The following GMDS variants were observed in gnomAD, a reference collection of about 807,000 sequenced individuals.
GMDS encodes the protein GDP-mannose 4,6-dehydratase.
A neutral mutation model predicts 49.9 loss-of-function variants in GMDS; 20 were observed. That is an observed-to-expected ratio of 0.40 (90% CI 0.28 to 0.58). The LOEUF is 0.58. Ranked by LOEUF, GMDS falls within the 20% of genes least tolerant of loss-of-function variation. The pLI, the probability that GMDS is intolerant of heterozygous loss-of-function variation, is 0.42. For synonymous variants in GMDS, 177 were observed against 178.6 expected, an observed-to-expected ratio of 0.99 and a Z score of 0.07; for missense variants, 362 against 481.4, an observed-to-expected ratio of 0.75 and a Z score of 2.32.
chr6:1,773,631 A>G (rs3800053), intron 7 of GMDS, among the ~76,000 whole-genome samples: 72,781 of 152,074 alleles, frequency 0.48, 19,493 homozygotes, highest in African/African-American at 0.72. Flanking sequence ...GCTGAGCAGC[A>G]TCGATGGCTG....
intron 7 of GMDS, among the ~76,000 whole-genome samples, chr6:1,820,232 G>A (rs527646208): frequency 6.6e-6 from 1 of 152,168 alleles, no homozygotes; most frequent in East Asian, 1.9e-4. Flanking sequence ...GAAAGAAGAG[G>A]CATGAATTTT....
chr6:2,125,003 G>A (rs1775341340), intron 1 of GMDS, among the ~76,000 whole-genome samples: 1 of 152,230 alleles, frequency 6.6e-6, no homozygotes, highest in Non-Finnish European at 1.5e-5. Flanking sequence ...CAGACAGCAT[G>A]AAGTTCCAGA....
At chr6:2,092,180 G>C (rs1383713097) in intron 4 of GMDS, among the ~76,000 whole-genome samples, 1 of 152,172 alleles carries the variant, frequency 6.6e-6, no homozygotes, top group Non-Finnish European at 1.5e-5. Context: ...GCTACGACCG[G>C]TTAGTAGTAG....
At chr6:1,664,527 T>C (rs917925325) in intron 9 of GMDS, among the ~76,000 whole-genome samples, 10 of 152,198 alleles carry the variant, frequency 6.6e-5, no homozygotes, top group African/African-American at 2.4e-4. Flanking sequence ...GAGTCCCCGA[T>C]TCATGGTGTC....
chr6:1,977,398 C>G (rs1336957028), intron 4 of GMDS, among the ~76,000 whole-genome samples: 1 of 152,144 alleles, frequency 6.6e-6, no homozygotes. Context: ...AAGTATCTAG[C>G]AAACATAAAT....
chr6:1,650,265 C>T (rs1157136876), intron 9 of GMDS, among the ~76,000 whole-genome samples: 2 of 152,064 alleles, frequency 1.3e-5, no homozygotes, highest in Non-Finnish European at 2.9e-5. Context: ...CATCTCCTGC[C>T]CATGGCTCTG....
intron 7 of GMDS, among the ~76,000 whole-genome samples, chr6:1,899,003 T>C (rs1760362936): frequency 6.6e-6 from 1 of 152,226 alleles, no homozygotes; most frequent in Non-Finnish European, 1.5e-5. Context: ...TAACAGTGCT[T>C]CATGAGCTTT....
intron 4 of GMDS, among the ~76,000 whole-genome samples, chr6:2,047,719 C>A (rs1328505485): frequency 6.6e-6 from 1 of 152,118 alleles, no homozygotes; most frequent in Non-Finnish European, 1.5e-5. Context: ...AAACTCCTGA[C>A]CTCAGGTGAT....
At chr6:1,823,862 G>C (rs562960077) in intron 7 of GMDS, among the ~76,000 whole-genome samples, 2 of 152,142 alleles carry the variant, frequency 1.3e-5, no homozygotes, top group East Asian at 3.9e-4. Context: ...ATGGAAAGCT[G>C]TCCATGACTC....
intron 1 of GMDS, among the ~76,000 whole-genome samples, chr6:2,163,978 C>T (rs376424928): frequency 7.9e-5 from 12 of 152,324 alleles, no homozygotes; most frequent in South Asian, 2.1e-4. Flanking sequence ...AGGTCTTTAA[C>T]GACAAATCTA....
At chr6:2,009,571 G>A (rs1767419727) in intron 4 of GMDS, among the ~76,000 whole-genome samples, 1 of 152,154 alleles carries the variant, frequency 6.6e-6, no homozygotes, top group African/African-American at 2.4e-5. Context: ...TGTTAGATCT[G>A]AGCACAGAAA....
At chr6:1,897,820 C>G (rs1760278805) in intron 7 of GMDS, among the ~76,000 whole-genome samples, 1 of 152,244 alleles carries the variant, frequency 6.6e-6, no homozygotes, top group Non-Finnish European at 1.5e-5. Flanking sequence ...TCGACATGAC[C>G]TGTCCAATGC....
chr6:1,942,868 C>G (rs941202620), intron 6 of GMDS, among the ~76,000 whole-genome samples: 2 of 152,234 alleles, frequency 1.3e-5, no homozygotes, highest in Non-Finnish European at 2.9e-5. Flanking sequence ...GATAGACGCA[C>G]AAGCACAAAC....
chr6:2,242,044 T>C (rs1157900062), intron 1 of GMDS, among the ~76,000 whole-genome samples: 1 of 152,170 alleles, frequency 6.6e-6, no homozygotes, highest in Non-Finnish European at 1.5e-5. Flanking sequence ...TAGTTCATAA[T>C]CTCAAGACAA....
rs1581432472 is a variant in GMDS, at chr6:1,666,837, C to G, written c.988-42297G>C. ...CTGGGAACTAACTTCTTCATCTCCTCTCTTTGACAGCCTGAACTCAGCTTG... is the reference window on the plus strand; with the variant it reads ...CTGGGAACTAACTTCTTCATCTCCTGTCTTTGACAGCCTGAACTCAGCTTG... On this transcript the variant is annotated intron_variant, in intron 9 of 10. Coordinates refer to ENST00000380815, the MANE Select transcript of GMDS (RefSeq NM_001500.4). 2.0e-5 allele frequency among the ~76,000 whole-genome samples: 3 copies of G among 152,350 alleles called. No homozygotes were observed. In the South Asian group the frequency reaches 6.2e-4, roughly 32 times the overall value.
intron 6 of GMDS, among the ~76,000 whole-genome samples, chr6:1,950,599 C>T (rs959623011): frequency 1.2e-4 from 18 of 152,226 alleles, no homozygotes; most frequent in African/African-American, 3.6e-4. Flanking sequence ...TTGGTGTTCA[C>T]GTAAATGTTT....
chr6:2,195,923 T>C (rs1202219959), intron 1 of GMDS, among the ~76,000 whole-genome samples: 1 of 152,006 alleles, frequency 6.6e-6, no homozygotes, highest in African/African-American at 2.4e-5. Flanking sequence ...TTAATTTCAT[T>C]TGCAACTGTG....
intron 1 of GMDS, among the ~76,000 whole-genome samples, chr6:2,218,468 A>G (rs1403631724): frequency 6.6e-6 from 1 of 152,356 alleles, no homozygotes; most frequent in Admixed American, 6.5e-5. Flanking sequence ...TCCGTAAATT[A>G]CAAAATTTTT....
chr6:1,636,052 A>G (rs916079641), intron 9 of GMDS, among the ~76,000 whole-genome samples: 1 of 152,226 alleles, frequency 6.6e-6, no homozygotes, highest in Non-Finnish European at 1.5e-5. Flanking sequence ...AGACATTCCC[A>G]GAATGTCAGC....
Sources: gnomAD v4.1 joint callset for allele counts (sites outside exome capture counted in the v4.1 genomes callset) on GRCh38, gnomAD v4.1.1 for gene constraint, MANE v1.5 for transcripts, NCBI Gene and HGNC (gene_info 2026-07-23, HGNC 2026-07-21) for gene names.